The following TRAPPC8 variants were observed in gnomAD, a reference collection of about 807,000 sequenced individuals.
The protein encoded by TRAPPC8 is general sporulation gene 1 homolog.
In TRAPPC8, 54 loss-of-function variants were observed where a neutral mutation model predicts 174.3. That is an observed-to-expected ratio of 0.31 (90% confidence interval 0.25 to 0.39). The LOEUF (loss-of-function observed/expected upper bound fraction) is 0.39, where lower values mean the gene tolerates loss of function less well. Ranked by LOEUF, TRAPPC8 falls within the 10% of genes least tolerant of loss-of-function variation. TRAPPC8 has a pLI of 1.00. For synonymous variants in TRAPPC8, 630 were observed against 579.9 expected (o/e 1.09, Z -1.24); for missense variants, 1,531 against 1,699.1 (o/e 0.90, Z 1.74).
At chr18:31,905,934 A>T (rs1284958025) in intron 9 of TRAPPC8, among the ~76,000 whole-genome samples, 3 of 152,186 alleles carry the variant, frequency 2.0e-5, no homozygotes, top group Non-Finnish European at 4.4e-5. Flanking sequence ...ATTAATAATA[A>T]CATGAAGTAT....
At chr18:31,866,324 G>A (rs1013361527) in intron 18 of TRAPPC8, among the ~76,000 whole-genome samples, 13 of 152,106 alleles carry the variant, frequency 8.5e-5, no homozygotes, top group Admixed American at 3.9e-4. Context: ...TGCACATATC[G>A]TGTAGTTTTC....
At chr18:31,867,042 C>A in intron 17 of TRAPPC8, 67 bp from the exon 18 acceptor site, 1 of 1,521,004 alleles carries the variant, frequency 6.6e-7, no homozygotes, top group South Asian at 1.2e-5. Flanking sequence ...ATACCTAATT[C>A]TATAATGTTG....
intron 12 of TRAPPC8, among the ~76,000 whole-genome samples, chr18:31,882,844 T>A (rs1328747865): frequency 6.8e-6 from 1 of 146,476 alleles, no homozygotes; most frequent in Non-Finnish European, 1.5e-5. Flanking sequence ...CTCGAACTCC[T>A]GAACTCGTGG....
chr18:31,843,473 G>A (rs1046969320), intron 26 of TRAPPC8, among the ~76,000 whole-genome samples: 2 of 151,498 alleles, frequency 1.3e-5, no homozygotes, highest in Non-Finnish European at 3.0e-5. Flanking sequence ...TTCTTTATAA[G>A]GCAGAACAAA....
chr18:31,915,473 G>GC lies in TRAPPC8; in HGVS notation c.617+798_617+799insG, dbSNP rs1207953054. Among the ~76,000 whole-genome samples, 609 of 130,386 alleles carry GC rather than the reference G, an allele frequency of 4.7e-3. 13 individuals carry two copies. Among genetic ancestry groups the GC allele is most frequent in the Non-Finnish European group, 7.3e-3 (442 of 60,276 alleles). 85.5% of individuals were successfully genotyped at this position (130,386 alleles called of 152,430 possible). The stretch of plus-strand genomic sequence containing the variant: ...GTGAAACCCCATCAAAAAAAAAGGG[G>GC]GGGGGGGCGCAGGCGCAGTGGCTCC... On this transcript the variant is annotated intron_variant, in intron 4 of 28. Coordinates refer to ENST00000283351, the MANE Select transcript of TRAPPC8 (RefSeq NM_014939.5).
intron 1 of TRAPPC8, among the ~76,000 whole-genome samples, chr18:31,941,312 G>T (rs1022446827): frequency 2.0e-5 from 3 of 152,124 alleles, no homozygotes; most frequent in East Asian, 3.9e-4. Context: ...GTATGGTGGC[G>T]CATGCCTGTA....
chr18:31,833,880 T>C (rs1188633881), intron 27 of TRAPPC8, among the ~76,000 whole-genome samples: 1 of 151,326 alleles, frequency 6.6e-6, no homozygotes, highest in African/African-American at 2.4e-5. Context: ...CAGGTGCCTA[T>C]AGTCCCAGTT....
chr18:31,834,047 ATGATAC>A (rs2032554725), intron 27 of TRAPPC8, among the ~76,000 whole-genome samples: 1 of 150,488 alleles, frequency 6.6e-6, no homozygotes, highest in African/African-American at 2.4e-5. Context: ...AAGTTCCCAG[ATGATAC>A]TAATACTAAT....
At chr18:31,847,345 A>C (rs1202713372) in intron 25 of TRAPPC8, among the ~76,000 whole-genome samples, 1 of 152,194 alleles carries the variant, frequency 6.6e-6, no homozygotes, top group Non-Finnish European at 1.5e-5. Context: ...CTATATTATA[A>C]TACTTGTTCC....
At chr18:31,873,828 A>AG in intron 13 of TRAPPC8, 1 of 254,312 alleles carries the variant, frequency 3.9e-6, no homozygotes, top group Admixed American at 5.1e-5. Context: ...GACTCATTAT[A>AG]GCATCCTATC....
At chr18:31,909,828 A>G in intron 5 of TRAPPC8, 68 bp from the exon 6 acceptor site, 8 of 1,053,630 alleles carry the variant, frequency 7.6e-6, no homozygotes, top group Non-Finnish European at 1.1e-5. Context: ...TATCAAATCC[A>G]TCAACAACTA....
intron 17 of TRAPPC8, 32 bp downstream of exon 17, chr18:31,867,370 G>T (rs1178850625): frequency 7.0e-7 from 1 of 1,424,760 alleles, no homozygotes. Flanking sequence ...CTTTCAGAAA[G>T]GCATAAAGCA....
intron 12 of TRAPPC8, among the ~76,000 whole-genome samples, chr18:31,876,528 A>T (rs1458481037): frequency 2.7e-5 from 4 of 149,636 alleles, no homozygotes; most frequent in African/African-American, 9.9e-5. Flanking sequence ...CTTACTAGGG[A>T]CCTCAGATCC....
chr18:31,850,913 TA>T (rs199924421), intron 24 of TRAPPC8, among the ~76,000 whole-genome samples: 1 of 151,432 alleles, frequency 6.6e-6, no homozygotes, highest in Non-Finnish European at 1.5e-5. Context: ...TAAAGAAATT[TA>T]AAAAAAAATA....
intron 2 of TRAPPC8, among the ~76,000 whole-genome samples, chr18:31,920,391 G>T (rs2037330812): frequency 6.6e-6 from 1 of 152,116 alleles, no homozygotes; most frequent in Non-Finnish European, 1.5e-5. Flanking sequence ...GTTCATGATG[G>T]ACAACAGATG....
At chr18:31,901,912 T>C (rs997364623) in intron 9 of TRAPPC8, among the ~76,000 whole-genome samples, 1 of 152,226 alleles carries the variant, frequency 6.6e-6, no homozygotes, top group Non-Finnish European at 1.5e-5. Context: ...GTGTTGTCCA[T>C]CACTTTTATT....
At chr18:31,910,854 AG>A (rs1389201957) in intron 5 of TRAPPC8, among the ~76,000 whole-genome samples, 1 of 152,174 alleles carries the variant, frequency 6.6e-6, no homozygotes, top group Non-Finnish European at 1.5e-5. Context: ...TCACAACCTT[AG>A]GTGACTGAAC....
At chr18:31,888,657 T>C (rs553785206) in intron 12 of TRAPPC8, among the ~76,000 whole-genome samples, 1 of 152,248 alleles carries the variant, frequency 6.6e-6, no homozygotes, top group Non-Finnish European at 1.5e-5. Flanking sequence ...CTCAGCAAAC[T>C]AACACAGGAA....
chr18:31,931,588 G>C (rs754210023), intron 1 of TRAPPC8, 65 bp from the exon 2 acceptor site: 53 of 1,276,676 alleles, frequency 4.2e-5, no homozygotes, highest in Admixed American at 5.5e-5. Context: ...CCCAAAATTG[G>C]GCTGATGGTT....
Sources: allele counts gnomAD v4.1 joint callset (sites outside exome capture counted in the v4.1 genomes callset), GRCh38; gene constraint gnomAD v4.1.1; transcripts MANE v1.5; gene names NCBI Gene and HGNC (gene_info 2026-07-23, HGNC 2026-07-21).